Variants in FCMR observed in about 807,000 individuals in gnomAD.
FCMR encodes the protein immunoglobulin mu Fc receptor.
Under a neutral mutation model 41.6 loss-of-function variants are expected in FCMR, and 34 were observed. That is an observed-to-expected ratio of 0.82 (90% confidence interval 0.62 to 1.09). FCMR has a LOEUF of 1.09. FCMR is among the 50% of genes least tolerant of loss of function. The probability of loss-of-function intolerance (pLI) is 0.00; values close to 1 mark genes in which losing one functional copy is unlikely to be tolerated. For synonymous variants in FCMR, 209 were observed against 211.8 expected (o/e 0.99, Z 0.12); for missense variants, 496 against 512.5 (o/e 0.97, Z 0.31).
At chr1:206,918,145 A>T (rs944994629) in intron 1 of FCMR, among the ~76,000 whole-genome samples, 19 of 152,152 alleles carry the variant, frequency 1.2e-4, no homozygotes, top group Middle Eastern at 6.8e-3. Context: ...TGTAATGGTC[A>T]CCTCTTTGTC....
intron 5 of FCMR, 80 bp downstream of exon 5, chr1:206,910,130 A>G (rs1326984100): frequency 2.0e-5 from 28 of 1,409,846 alleles, no homozygotes; most frequent in South Asian, 1.7e-4. Context: ...CGAGTTTCCC[A>G]TGGAAGTTCA....
At chr1:206,921,447 A>T (rs1415346964) in intron 1 of FCMR, 1 of 421,954 alleles carries the variant, frequency 2.4e-6, no homozygotes, top group Non-Finnish European at 4.7e-6. Context: ...CAAAAAAATT[A>T]AAAATTAGCT....
intron 1 of FCMR, among the ~76,000 whole-genome samples, chr1:206,919,386 A>G (rs965905664): frequency 1.3e-5 from 2 of 152,174 alleles, no homozygotes; most frequent in Non-Finnish European, 2.9e-5. Context: ...ATTTGAGTCC[A>G]GGAGTTTGAG....
intron 4 of FCMR, 45 bp downstream of exon 4, chr1:206,911,685 T>G (rs1678944127): frequency 6.4e-7 from 1 of 1,572,424 alleles, no homozygotes; most frequent in African/African-American, 1.4e-5. Context: ...TCAGTGGATC[T>G]CTTAATTCTA....
Position 206,921,820 on chromosome 1 carries a change from G to A in FCMR, c.35C>T (p.Pro12Leu). 6.2e-7 allele frequency: 1 copy of A among 1,613,842 alleles called. No individual in the cohort carries two copies. ...DFWLWPLYFL[P>L]VSGALRILPE... The stretch of plus-strand genomic sequence containing the variant: ...AAGTGTTTCCCCACGGTACTTACCT[G>A]GCAGGAAGTAAAGTGGCCAAAGCCA... The change falls in exon 1 of 8, where the codon CCA (proline) becomes CTA (leucine). Residue 12 changes from proline to leucine, a missense_variant and splice_region_variant. By Grantham distance (98) the Pro-to-Leu change is moderately conservative (BLOSUM62 -3). Coordinates refer to ENST00000367091, the MANE Select transcript of FCMR (RefSeq NM_005449.5).
intron 4 of FCMR, 26 bp downstream of exon 4, chr1:206,911,704 C>G (rs1275196257): frequency 1.3e-6 from 2 of 1,597,954 alleles, no homozygotes; most frequent in African/African-American, 1.3e-5. Flanking sequence ...TAGCCTAACT[C>G]TAGATCCTGG....
At chr1:206,908,768 C>G (rs1158966926) in intron 7 of FCMR, among the ~76,000 whole-genome samples, 1 of 151,974 alleles carries the variant, frequency 6.6e-6, no homozygotes, top group East Asian at 1.9e-4. Context: ...TTAAAAAAAG[C>G]TTTATTCTGG....
intron 1 of FCMR, among the ~76,000 whole-genome samples, chr1:206,917,282 A>G (rs1052024210): frequency 2.6e-5 from 4 of 152,134 alleles, no homozygotes; most frequent in Non-Finnish European, 4.4e-5. Context: ...GTCAACTCAA[A>G]TAAGAGCAGA....
In FCMR at chr1:206,910,272, A is replaced by G; in HGVS notation, c.779T>C (p.Leu260Pro). ...CAGAAGTGCCAGCAGGAAAAGGCCC[A>G]GGATGGTCGGGATCAGGATGTGAAA... ...QGFHILIPTILGLFLLALLGL... is the reference protein window; with the variant it reads ...QGFHILIPTIPGLFLLALLGL... Residue 260 changes from leucine to proline, a missense_variant, in exon 5 of 8, where the codon CTG becomes CCG. Physicochemically the swap from Leu to Pro is moderately conservative, Grantham distance 98. Transcript: ENST00000367091. 6.3e-7 allele frequency: 1 copy of G among 1,582,396 alleles called. No homozygotes were observed. Among genetic ancestry groups the G allele is most frequent in the Non-Finnish European group, 8.6e-7 (1 of 1,164,168 alleles).
upstream of FCMR, among the ~76,000 whole-genome samples, chr1:206,922,414 TG>T (rs1679474024): frequency 6.6e-6 from 1 of 152,324 alleles, no homozygotes; most frequent in South Asian, 2.1e-4. Context: ...ACCTTCTATG[TG>T]GGGGTACTAA....
rs1678888451 is a variant in FCMR, at chr1:206,910,447, G to A, written c.711-107C>T. Reference sequence around the variant, plus strand: ...GTTTTTGGAGATGACTTACAGGTTTGTCCTTTTGTTAACAGAATTCACTCC... The same window carrying A: ...GTTTTTGGAGATGACTTACAGGTTTATCCTTTTGTTAACAGAATTCACTCC... On this transcript the variant is annotated intron_variant, in intron 4 of 7. Transcript: ENST00000367091. The A allele has an allele frequency of 3.3e-5, 30 of 897,720 alleles. No homozygotes were observed. In the South Asian group the frequency reaches 7.9e-4, roughly 24 times the overall value. 55.6% of individuals were successfully genotyped at this position (897,720 alleles called of 1,614,324 possible).
At position 206,921,925 on chromosome 1, in the gene FCMR, G is replaced by A. The variant is rs1679457296; in HGVS notation, c.-71C>T. 5.8e-6 allele frequency: 8 copies of A among 1,388,038 alleles called. No homozygotes were observed. In the South Asian group the frequency reaches 9.3e-5, roughly 16 times the overall value. 86.0% of individuals were successfully genotyped at this position (1,388,038 alleles called of 1,614,324 possible). ...GGGATGGAGACACGCTGCTTACTCA[G>A]GAACCCTTCACAATCTGGAACTGGA... On this transcript the variant is annotated 5_prime_UTR_variant, in exon 1 of 8. Coordinates refer to ENST00000367091, the MANE Select transcript of FCMR (RefSeq NM_005449.5).
rs1285691542 is a variant in FCMR, at chr1:206,911,961, G to A, written c.488-9C>T. ...TTGAGCTGGTGTGGTAACTGCAGGAGGTAGCAGGAAAAAGGGATGTTCCTT... is the reference window on the plus strand; with the variant it reads ...TTGAGCTGGTGTGGTAACTGCAGGAAGTAGCAGGAAAAAGGGATGTTCCTT... On this transcript the variant is annotated splice_polypyrimidine_tract_variant and intron_variant, in intron 3 of 7. Transcript: ENST00000367091. 1.2e-6 allele frequency: 2 copies of A among 1,602,772 alleles called. No homozygotes were observed. The highest frequency in any genetic ancestry group is 1.7e-6 in the Non-Finnish European group (2 of 1,174,344).
chr1:206,905,825 T>C (rs1380771080), intron 7 of FCMR: 1 of 162,800 alleles, frequency 6.1e-6, no homozygotes, highest in African/African-American at 2.4e-5. Context: ...GCAGCCTGAA[T>C]ATAGTAGGCA....
chr1:206,910,109 A>G, intron 5 of FCMR, 101 bp downstream of exon 5: 1 of 1,354,272 alleles, frequency 7.4e-7, no homozygotes, highest in Non-Finnish European at 9.9e-7. Context: ...CAGGCTGCTC[A>G]TCAAAAGCTC....
intron 7 of FCMR, chr1:206,908,163 G>T (rs1678762520): frequency 1.2e-5 from 17 of 1,448,322 alleles, no homozygotes; most frequent in Non-Finnish European, 1.6e-5. Flanking sequence ...AACGGGCCGA[G>T]AAGAACGTGG....
At chr1:206,908,288 G>C in intron 7 of FCMR, 1 of 924,944 alleles carries the variant, frequency 1.1e-6, no homozygotes, top group Non-Finnish European at 1.7e-6. Context: ...CTCCATCGTC[G>C]CCCTGGAATG....
chr1:206,911,992 C>T lies in FCMR; in HGVS notation c.488-40G>A, dbSNP rs113796882. 4.6e-5 allele frequency: 68 copies of T among 1,477,336 alleles called. 1 individual carries two copies. In the South Asian group the frequency reaches 7.7e-4, roughly 17 times the overall value. The allele number at this position is 1,477,336 out of a possible 1,614,324, so 91.5% of individuals were successfully genotyped here. On this transcript the variant is annotated intron_variant, in intron 3 of 7. Coordinates refer to ENST00000367091, the MANE Select transcript of FCMR (RefSeq NM_005449.5). The stretch of plus-strand genomic sequence containing the variant: ...AGGAAAAAGGGATGTTCCTTTTATA[C>T]ACTCTATTCTCCAACAGGATTAGGT...
rs1399150067 is a variant in FCMR, at chr1:206,903,659, C to T, written c.*1360G>A. On this transcript the variant is annotated 3_prime_UTR_variant, in exon 8 of 8. Coordinates refer to ENST00000367091, the MANE Select transcript of FCMR (RefSeq NM_005449.5). ...AAGTGCCCAGCACAAAGCAGATCCT[C>T]AATAAACATTTCATTTCCCACCCAC... The T allele has an allele frequency of 6.6e-6, 1 of 152,322 alleles. No homozygotes were observed. The highest frequency in any genetic ancestry group is 2.4e-5 in the African/African-American group (1 of 41,424). The allele number at this position is 152,322 out of a possible 1,614,324, so 9.4% of individuals were successfully genotyped here.
Sources: allele counts gnomAD v4.1 joint callset (sites outside exome capture counted in the v4.1 genomes callset), GRCh38; gene constraint gnomAD v4.1.1; transcripts MANE v1.5; gene names NCBI Gene and HGNC (gene_info 2026-07-23, HGNC 2026-07-21).